The following TMEFF2 variants were observed in gnomAD, a reference collection of about 807,000 sequenced individuals.
TMEFF2 encodes transmembrane protein with EGF like and two follistatin like domains 2, also known as tomoregulin-2.
In TMEFF2, 28 loss-of-function variants were observed where a neutral mutation model predicts 53.8. The ratio of observed to expected loss-of-function variants is 0.52; its 90% CI spans 0.39 to 0.71. The LOEUF (loss-of-function observed/expected upper bound fraction) is 0.71, where lower values mean the gene tolerates loss of function less well. Ranked by LOEUF, TMEFF2 falls within the 30% of genes least tolerant of loss-of-function variation. TMEFF2 has a pLI of 0.00. For synonymous variants in TMEFF2, 162 were observed against 166.3 expected (o/e 0.97, Z 0.20); for missense variants, 353 against 455.2 (o/e 0.78, Z 2.04).
At chr2:192,020,298 A>G (rs1171339851) in intron 5 of TMEFF2, among the ~76,000 whole-genome samples, 2 of 152,100 alleles carry the variant, frequency 1.3e-5, no homozygotes, top group Non-Finnish European at 2.9e-5. Flanking sequence ...TTATGTGTAG[A>G]GACTTGCATA....
In TMEFF2 at chr2:191,966,858, A is replaced by G. The variant is rs1405027312; in HGVS notation, c.746-10480T>C. ...AAACTAGTGATCAGTTTGGTTTTCT[A>G]CAAGAGCATCCTAAAAAGAACTGGA... On this transcript the variant is annotated intron_variant, in intron 7 of 9. Transcript: ENST00000272771. Among the ~76,000 whole-genome samples, 3 of 152,174 alleles carry G rather than the reference A, an allele frequency of 2.0e-5. No individual in the cohort carries two copies. In the East Asian group the frequency reaches 5.8e-4, roughly 29 times the overall value.
chr2:192,174,101 A>C (rs1166519485), intron 4 of TMEFF2, among the ~76,000 whole-genome samples: 3 of 151,822 alleles, frequency 2.0e-5, no homozygotes, highest in Non-Finnish European at 4.4e-5. Context: ...TCAGCTAAAA[A>C]TCTAGAAGGC....
intron 4 of TMEFF2, among the ~76,000 whole-genome samples, chr2:192,106,672 C>A (rs1574377994): frequency 1.3e-5 from 2 of 151,740 alleles, no homozygotes; most frequent in Admixed American, 1.3e-4. Flanking sequence ...CTTCAGTACT[C>A]CCTATCTGCA....
At chr2:192,163,424 G>A (rs1343810842) in intron 4 of TMEFF2, among the ~76,000 whole-genome samples, 1 of 152,186 alleles carries the variant, frequency 6.6e-6, no homozygotes, top group Non-Finnish European at 1.5e-5. Flanking sequence ...ATCTGATTCT[G>A]TTGTCACAAT....
chr2:192,102,436 A>C (rs10931523), intron 4 of TMEFF2, among the ~76,000 whole-genome samples: 95,902 of 151,804 alleles, frequency 0.63, 35,447 homozygotes, highest in Non-Finnish European at 0.83. Flanking sequence ...CCTATTTTCC[A>C]TGCTTCTCTT....
intron 4 of TMEFF2, among the ~76,000 whole-genome samples, chr2:192,087,762 C>G (rs1250074655): frequency 2.0e-5 from 3 of 152,134 alleles, no homozygotes; most frequent in Non-Finnish European, 2.9e-5. Context: ...TTCTCTATAT[C>G]ATACTCATAC....
At chr2:192,184,629 C>G in intron 2 of TMEFF2, 146 bp from the exon 3 acceptor site, 2 of 1,102,542 alleles carry the variant, frequency 1.8e-6, no homozygotes, top group South Asian at 3.9e-5. Context: ...TTTATAAGGG[C>G]ATCATTGAAA....
At chr2:192,155,764 A>G (rs948068930) in intron 4 of TMEFF2, among the ~76,000 whole-genome samples, 10 of 152,080 alleles carry the variant, frequency 6.6e-5, no homozygotes, top group Non-Finnish European at 1.3e-4. Context: ...GACCCATGAA[A>G]TGTCTAAATA....
chr2:192,074,588 T>C (rs923285100), intron 4 of TMEFF2, among the ~76,000 whole-genome samples: 9 of 152,076 alleles, frequency 5.9e-5, no homozygotes, highest in South Asian at 2.1e-4. Flanking sequence ...CGGAAGCTAG[T>C]AGCCACCTGT....
chr2:192,083,088 C>T (rs1009265737), intron 4 of TMEFF2, among the ~76,000 whole-genome samples: 1 of 150,770 alleles, frequency 6.6e-6, no homozygotes, highest in Non-Finnish European at 1.5e-5. Context: ...TGTGCTAAAT[C>T]CCTATATTTA....
Position 192,193,761 on chromosome 2 carries a change from TAGAGAGAGAGAG to T in TMEFF2, c.172+580_172+591del, listed in dbSNP as rs530141565. On this transcript the variant is annotated intron_variant, in intron 1 of 9. Transcript: ENST00000272771. ...TGAGAGAGAGAGAGAGATAGATAGA[TAGAGAGAGAGAG>T]AGAGAGAGAGAGAGAGAGAGAGAGA... Among the ~76,000 whole-genome samples the T allele has an allele frequency of 1.5e-3, 72 of 47,852 alleles. 1 individual carries two copies. Among genetic ancestry groups the T allele is most frequent in the African/African-American group, 4.2e-3 (60 of 14,438 alleles). 31.4% of individuals were successfully genotyped at this position (47,852 alleles called of 152,430 possible). A position where few individuals can be genotyped will look rare whatever the true frequency, so the allele number is the denominator to read the frequency against.
At chr2:192,038,721 G>A (rs1435737667) in intron 5 of TMEFF2, among the ~76,000 whole-genome samples, 2 of 152,140 alleles carry the variant, frequency 1.3e-5, no homozygotes, top group Middle Eastern at 3.4e-3. Context: ...CCTGGACTGA[G>A]CAATCTACCT....
At chr2:191,988,748 C>T (rs1686036020) in intron 7 of TMEFF2, among the ~76,000 whole-genome samples, 2 of 151,822 alleles carry the variant, frequency 1.3e-5, no homozygotes, top group Non-Finnish European at 2.9e-5. Context: ...CTATGACACA[C>T]ACAGCTTTCA....
At chr2:192,148,885 C>T (rs908956851) in intron 4 of TMEFF2, among the ~76,000 whole-genome samples, 2 of 151,946 alleles carry the variant, frequency 1.3e-5, no homozygotes. Flanking sequence ...CAAAAGAAGA[C>T]AAATTCTAAA....
At chr2:192,113,696 A>C (rs1444221247) in intron 4 of TMEFF2, among the ~76,000 whole-genome samples, 2 of 152,214 alleles carry the variant, frequency 1.3e-5, no homozygotes, top group African/African-American at 4.8e-5. Context: ...CAATAAGCTT[A>C]TATATGAAAA....
chr2:192,089,720 A>G (rs968838340), intron 4 of TMEFF2, among the ~76,000 whole-genome samples: 6 of 152,118 alleles, frequency 3.9e-5, no homozygotes, highest in African/African-American at 1.4e-4. Context: ...TCCTCTTCCA[A>G]GCTGTATGAC....
chr2:192,075,357 C>T (rs1349470076), intron 4 of TMEFF2, among the ~76,000 whole-genome samples: 2 of 90,198 alleles, frequency 2.2e-5, no homozygotes, highest in Non-Finnish European at 2.3e-5. Flanking sequence ...TATATCCTTG[C>T]AAAAGTGCTT....
At chr2:192,153,867 G>A (rs1356088734) in intron 4 of TMEFF2, among the ~76,000 whole-genome samples, 1 of 151,886 alleles carries the variant, frequency 6.6e-6, no homozygotes, top group Non-Finnish European at 1.5e-5. Context: ...CACCAGAATG[G>A]CTGGCACAGG....
At chr2:192,028,365 G>A (rs1343158838) in intron 5 of TMEFF2, among the ~76,000 whole-genome samples, 1 of 152,178 alleles carries the variant, frequency 6.6e-6, no homozygotes, top group Non-Finnish European at 1.5e-5. Flanking sequence ...GGAGGAAGCA[G>A]ATTGCCCCAA....
Sources: allele counts gnomAD v4.1 joint callset (sites outside exome capture counted in the v4.1 genomes callset), GRCh38; gene constraint gnomAD v4.1.1; transcripts MANE v1.5; gene names NCBI Gene and HGNC (gene_info 2026-07-23, HGNC 2026-07-21).